Variants in PITPNM2 observed in about 807,000 individuals in gnomAD.
PITPNM2 encodes membrane-associated phosphatidylinositol transfer protein 2.
Under a neutral mutation model 132.2 loss-of-function variants are expected in PITPNM2, and 35 were observed. The ratio of observed to expected loss-of-function variants is 0.26; its 90% CI spans 0.20 to 0.35. The LOEUF is 0.35. PITPNM2 is among the 10% of genes least tolerant of loss of function. The pLI is 1.00. For missense variants in PITPNM2, 1,332 were observed against 1,912.0 expected (o/e 0.70, Z 5.66); for synonymous variants, 738 against 799.2 (o/e 0.92, Z 1.29).
intron 3 of PITPNM2, 126 bp downstream of exon 3, chr12:123,034,387 T>A: frequency 1.2e-6 from 1 of 867,244 alleles, no homozygotes; most frequent in Admixed American, 2.1e-5. Context: ...CAATTCACAC[T>A]TACCAGGAAG....
At chr12:123,148,734 C>T (rs1286253565) in intron 1 of PITPNM2, among the ~76,000 whole-genome samples, 3 of 152,108 alleles carry the variant, frequency 2.0e-5, no homozygotes, top group Admixed American at 2.0e-4. Context: ...ATTGGGGATG[C>T]AGAGAAACGT....
At chr12:123,039,106 G>A (rs1221286285) in intron 2 of PITPNM2, among the ~76,000 whole-genome samples, 3 of 151,884 alleles carry the variant, frequency 2.0e-5, no homozygotes, top group Non-Finnish European at 4.4e-5. Context: ...GGGCTCCATC[G>A]AGTGGCCTCC....
chr12:123,094,725 C>T (rs1484996374), intron 2 of PITPNM2, among the ~76,000 whole-genome samples: 48 of 152,218 alleles, frequency 3.2e-4, no homozygotes, highest in Non-Finnish European at 1.5e-5. Context: ...GGTGGGGTCC[C>T]TCCACCTCCT....
At chr12:123,145,299 C>T (rs1348382767) in intron 1 of PITPNM2, among the ~76,000 whole-genome samples, 1 of 152,164 alleles carries the variant, frequency 6.6e-6, no homozygotes, top group Non-Finnish European at 1.5e-5. Flanking sequence ...CATTCATGTG[C>T]TCCTAAGGCT....
At chr12:123,033,769 T>G (rs2040175211) in intron 3 of PITPNM2, among the ~76,000 whole-genome samples, 1 of 152,082 alleles carries the variant, frequency 6.6e-6, no homozygotes, top group Non-Finnish European at 1.5e-5. Flanking sequence ...AGATGGGGCC[T>G]TTGGGTGGTA....
chr12:123,115,574 C>A (rs903885332), intron 1 of PITPNM2, among the ~76,000 whole-genome samples: 1 of 152,096 alleles, frequency 6.6e-6, no homozygotes, highest in African/African-American at 2.4e-5. Context: ...CATGCACACA[C>A]ACACACATAC....
At chr12:123,137,902 A>G (rs12366785) in intron 1 of PITPNM2, among the ~76,000 whole-genome samples, 1 of 150,368 alleles carries the variant, frequency 6.7e-6, no homozygotes. Flanking sequence ...CAAAAAAAAA[A>G]AAAAAGAAGA....
At chr12:123,125,864 G>GTTTTTT (rs373787897) in intron 1 of PITPNM2, among the ~76,000 whole-genome samples, 39 of 64,862 alleles carry the variant, frequency 6.0e-4, no homozygotes, top group Admixed American at 1.4e-3. Context: ...AAAAATTAGG[G>GTTTTTT]TTTTTTTTTT....
At chr12:123,034,964 G>A (rs906451783) in intron 2 of PITPNM2, among the ~76,000 whole-genome samples, 19 of 152,330 alleles carry the variant, frequency 1.2e-4, no homozygotes, top group African/African-American at 4.6e-4. Flanking sequence ...ATAAACAAGG[G>A]CCAGGGTAAG....
intron 2 of PITPNM2, among the ~76,000 whole-genome samples, chr12:123,050,547 A>G (rs1050409077): frequency 6.6e-6 from 1 of 152,210 alleles, no homozygotes; most frequent in Non-Finnish European, 1.5e-5. Flanking sequence ...AACCAGGTCC[A>G]AATGCTTAAC....
In PITPNM2 at chr12:123,097,839, G is replaced by T. The variant is rs545095534; in HGVS notation, c.-96+12546C>A. ...TCGCCCCTACATCTGCCACTTGGCAGTGGGTATGAGGAACAGCTGGACAGA... is the reference window on the plus strand; with the variant it reads ...TCGCCCCTACATCTGCCACTTGGCATTGGGTATGAGGAACAGCTGGACAGA... On this transcript the variant is annotated intron_variant, in intron 2 of 25. Transcript: ENST00000320201. This position sits in a 1 kb window ranked among gnomAD's most constrained non-coding sequence, Gnocchi z 4.7. 6.6e-6 allele frequency among the ~76,000 whole-genome samples: 1 copy of T among 152,262 alleles called. No homozygotes were observed. The highest frequency in any genetic ancestry group is 1.5e-5 in the Non-Finnish European group (1 of 68,048).
chr12:123,013,639 T>C (rs2039301403), intron 4 of PITPNM2, among the ~76,000 whole-genome samples, 189 bp downstream of exon 4: 1 of 152,192 alleles, frequency 6.6e-6, no homozygotes, highest in South Asian at 2.1e-4. Flanking sequence ...TATCCTTCCC[T>C]CTCTTGCCTG....
chr12:123,120,178 A>G (rs1329740909), intron 1 of PITPNM2, among the ~76,000 whole-genome samples: 2 of 152,134 alleles, frequency 1.3e-5, no homozygotes, highest in African/African-American at 4.8e-5. Flanking sequence ...ACACCCTCTA[A>G]GATTTAAAAT....
At chr12:123,074,431 C>CACACACACCTCATATATACACATAT (rs1266506900) in intron 2 of PITPNM2, among the ~76,000 whole-genome samples, 3 of 152,056 alleles carry the variant, frequency 2.0e-5, no homozygotes, top group Non-Finnish European at 4.4e-5. Flanking sequence ...CACACACAGG[C>CACACACACCTCATATATACACATAT]ACATATACAT....
At position 123,056,418 on chromosome 12, in the gene PITPNM2, T is replaced by C. The variant is rs371485269; in HGVS notation, c.-95-21733A>G. On this transcript the variant is annotated intron_variant, in intron 2 of 25. Transcript: ENST00000320201. ...TTTTCTATTTAGAGCTGCCCCAAAATGTTCTGCACCAGCTTCTCACTGCGG... is the reference window on the plus strand; with the variant it reads ...TTTTCTATTTAGAGCTGCCCCAAAACGTTCTGCACCAGCTTCTCACTGCGG... Among the ~76,000 whole-genome samples, 6 of 152,306 alleles carry C rather than the reference T, an allele frequency of 3.9e-5. No homozygotes were observed. The East Asian group carries it at 5.8e-4, about 15-fold the overall frequency.
In PITPNM2 at chr12:122,993,067, T is replaced by C. The variant is rs904493591; in HGVS notation, c.2234-398A>G. Among the ~76,000 whole-genome samples, 3 of 152,162 alleles carry C rather than the reference T, an allele frequency of 2.0e-5. No individual in the cohort carries two copies. The highest frequency in any genetic ancestry group is 7.2e-5 in the African/African-American group (3 of 41,418). ...GTCTCAAACTCCTGGACTCAAGTGA[T>C]CCTCCCACCTGGGCCTCCCAAAGTG... is the stretch of plus-strand genomic sequence containing the variant. On this transcript the variant is annotated intron_variant, in intron 15 of 25. Coordinates refer to ENST00000320201, the MANE Select transcript of PITPNM2 (RefSeq NM_020845.3). The surrounding 1 kb of genome is among the most constrained non-coding windows in gnomAD (Gnocchi z 5.2).
intron 1 of PITPNM2, among the ~76,000 whole-genome samples, chr12:123,130,385 T>C (rs1016937957): frequency 7.9e-5 from 12 of 152,158 alleles, no homozygotes; most frequent in Non-Finnish European, 1.8e-4. Flanking sequence ...TCTGCCTCCT[T>C]CATTTGCAAA....
intron 1 of PITPNM2, among the ~76,000 whole-genome samples, chr12:123,142,958 T>C (rs2043537388): frequency 6.6e-6 from 1 of 151,760 alleles, no homozygotes; most frequent in Non-Finnish European, 1.5e-5. Flanking sequence ...CCCTTCAGTG[T>C]GAGAGGAAGA....
rs193186176 is a variant in PITPNM2, at chr12:123,036,152, C to T, written c.-95-1467G>A. ...CCAGTCAGGCAACTTCCCCAGGGCACGGCTCTCTATCGGGCATTGGAGTAT... is the reference window on the plus strand; with the variant it reads ...CCAGTCAGGCAACTTCCCCAGGGCATGGCTCTCTATCGGGCATTGGAGTAT... On this transcript the variant is annotated intron_variant, in intron 2 of 25. Transcript: ENST00000320201. The surrounding 1 kb of genome is among the most constrained non-coding windows in gnomAD (Gnocchi z 4.1). 8.0e-4 allele frequency among the ~76,000 whole-genome samples: 122 copies of T among 152,298 alleles called. 1 individual carries two copies. The highest frequency in any genetic ancestry group is 2.3e-3 in the Admixed American group (35 of 15,296).
Sources: allele counts gnomAD v4.1 joint callset (sites outside exome capture counted in the v4.1 genomes callset), GRCh38; gene constraint gnomAD v4.1.1; non-coding constraint Gnocchi (gnomAD v3.1); transcripts MANE v1.5; gene names NCBI Gene and HGNC (gene_info 2026-07-23, HGNC 2026-07-21).